ETV5: variants seen among roughly 807,000 people sequenced by gnomAD.
ETV5 encodes ETS translocation variant 5.
ETV5 carries 10 observed loss-of-function variants against 70.0 expected under a neutral mutation model. The ratio of observed to expected loss-of-function variants is 0.14; its 90% CI spans 0.09 to 0.24. ETV5 has a LOEUF of 0.24. ETV5 is among the 10% of genes least tolerant of loss of function. The pLI, the probability that ETV5 is intolerant of heterozygous loss-of-function variation, is 1.00. For missense variants in ETV5, 453 were observed against 651.2 expected (o/e 0.70, Z 3.31); for synonymous variants, 216 against 242.2 (o/e 0.89, Z 1.01).
At chr3:186,108,383 A>G (rs1302511351) in intron 1 of ETV5, 8 of 662,320 alleles carry the variant, frequency 1.2e-5, no homozygotes, top group Admixed American at 2.3e-5. Flanking sequence ...CTGGATGTCC[A>G]CTTTCCACCA....
intron 6 of ETV5, chr3:186,080,666 A>G: frequency 4.3e-6 from 1 of 230,966 alleles, no homozygotes; most frequent in South Asian, 1.8e-4. Flanking sequence ...AGACTTTTTC[A>G]TATATTCTGA....
intron 5 of ETV5, among the ~76,000 whole-genome samples, chr3:186,097,335 T>G (rs1714329308): frequency 2.0e-5 from 3 of 152,136 alleles, no homozygotes; most frequent in Non-Finnish European, 4.4e-5. Flanking sequence ...AACTACAACT[T>G]TGTCTCCCCC....
chr3:186,095,995 A>G (rs1714294773), intron 5 of ETV5, among the ~76,000 whole-genome samples: 1 of 152,212 alleles, frequency 6.6e-6, no homozygotes, highest in African/African-American at 2.4e-5. Flanking sequence ...CTGCTTCTGC[A>G]GACACTTGGA....
chr3:186,102,449 A>G lies in ETV5; in HGVS notation c.232+2856T>C, dbSNP rs553318297. 1.2e-4 allele frequency among the ~76,000 whole-genome samples: 18 copies of G among 152,170 alleles called. No individual in the cohort carries two copies. In the South Asian group the frequency reaches 3.5e-3, roughly 30 times the overall value. On this transcript the variant is annotated intron_variant, in intron 5 of 12. Coordinates refer to ENST00000306376, the MANE Select transcript of ETV5 (RefSeq NM_004454.3). ...GGAGTTCAAGACCAGCCTGGCAAACATGGTGAAGCCCCGTCTCTACTAAAA... is the reference window on the plus strand; with the variant it reads ...GGAGTTCAAGACCAGCCTGGCAAACGTGGTGAAGCCCCGTCTCTACTAAAA...
intron 1 of ETV5, among the ~76,000 whole-genome samples, chr3:186,106,494 C>G (rs1012509933): frequency 6.6e-6 from 1 of 152,166 alleles, no homozygotes; most frequent in South Asian, 2.1e-4. Flanking sequence ...TACTTATCTT[C>G]ACACACAACT....
At chr3:186,099,592 T>C (rs1203334273) in intron 5 of ETV5, among the ~76,000 whole-genome samples, 1 of 152,206 alleles carries the variant, frequency 6.6e-6, no homozygotes, top group Non-Finnish European at 1.5e-5. Flanking sequence ...GGGAACAGTT[T>C]CTCGGCAGAG....
rs773298835 is a variant in ETV5 at position 186,105,881 on chromosome 3, G to C, written c.-13C>G. 6.8e-6 allele frequency: 11 copies of C among 1,613,506 alleles called. No homozygotes were observed. In the African/African-American group the frequency reaches 1.3e-4, roughly 20 times the overall value. ...AAAACCCGTCCATGGTGCTTTCAGC[G>C]TCTCTAATACCACTTTGAGAGGTTT... On this transcript the variant is annotated 5_prime_UTR_variant, in exon 2 of 13. Transcript: ENST00000306376. This position sits in a 1 kb window ranked among gnomAD's most constrained non-coding sequence, Gnocchi z 4.5.
At chr3:186,100,566 A>C (rs982832826) in intron 5 of ETV5, among the ~76,000 whole-genome samples, 1 of 152,378 alleles carries the variant, frequency 6.6e-6, no homozygotes, top group South Asian at 2.1e-4. Context: ...AAGGGCTGTC[A>C]TAACAGTTAA....
At chr3:186,071,370 G>A (rs1240751870) in intron 7 of ETV5, among the ~76,000 whole-genome samples, 3 of 152,162 alleles carry the variant, frequency 2.0e-5, no homozygotes, top group East Asian at 1.9e-4. Flanking sequence ...ACGGAAAATC[G>A]AGAAGCAGCA....
intron 7 of ETV5, among the ~76,000 whole-genome samples, chr3:186,067,808 GGAAA>G (rs1190097688): frequency 6.6e-6 from 1 of 151,994 alleles, no homozygotes; most frequent in African/African-American, 2.4e-5. Flanking sequence ...CAAACCAGGG[GGAAA>G]GAATCTGCAG....
In ETV5 at chr3:186,048,535, G is replaced by A. The variant is rs564128315; in HGVS notation, c.*104C>T. 6.5e-4 allele frequency: 685 copies of A among 1,047,220 alleles called. 1 individual carries two copies. The highest frequency in any genetic ancestry group is 9.3e-4 in the Non-Finnish European group (642 of 692,550). 64.9% of individuals were successfully genotyped at this position (1,047,220 alleles called of 1,614,324 possible). A position where few individuals can be genotyped will look rare whatever the true frequency, so the allele number is the denominator to read the frequency against. On this transcript the variant is annotated 3_prime_UTR_variant, in exon 13 of 13. Transcript: ENST00000306376. ...TGGGTTCTCCAGATAATACTCAAAG[G>A]GCAAGCTTTAGGAACAACCAAAAAC...
In ETV5 at chr3:186,057,469, G is replaced by C; in HGVS notation, c.993C>G (p.Pro331=). 1 of 1,613,930 alleles carries C rather than the reference G, an allele frequency of 6.2e-7. No individual in the cohort carries two copies. Among genetic ancestry groups the C allele is most frequent in the Non-Finnish European group, 8.5e-7 (1 of 1,179,914 alleles). Reference sequence around the variant, plus strand: ...CACAAGTGTCGTCAAAGTATAATCGGGGATCTTTTTCATATGAAAAACCTG... The same window carrying C: ...CACAAGTGTCGTCAAAGTATAATCGCGGATCTTTTTCATATGAAAAACCTG... ...SHEGFSYEKD[P]RLYFDDTCVV... Residue 331 remains proline, a synonymous_variant, in exon 10 of 13, where the codon CCC becomes CCG. Transcript: ENST00000306376. This position sits in a 1 kb window ranked among gnomAD's most constrained non-coding sequence, Gnocchi z 4.9.
chr3:186,108,731 T>A, intron 1 of ETV5: 1 of 1,040,140 alleles, frequency 9.6e-7, no homozygotes, highest in Non-Finnish European at 1.2e-6. Flanking sequence ...CCGGAACCGT[T>A]AGCCGCACCC....
At chr3:186,053,705 A>T (rs747792202) in intron 11 of ETV5, among the ~76,000 whole-genome samples, 10 of 152,168 alleles carry the variant, frequency 6.6e-5, no homozygotes, top group African/African-American at 9.7e-5. Context: ...TCTTTTCTCC[A>T]TATGGTACCC....
In ETV5 at chr3:186,106,012, C is replaced by T. The variant is rs1474094653; in HGVS notation, c.-74-70G>A. 4.2e-6 allele frequency: 5 copies of T among 1,183,724 alleles called. No homozygotes were observed. In the African/African-American group the frequency reaches 6.2e-5, roughly 15 times the overall value. The allele number at this position is 1,183,724 out of a possible 1,614,324, so 73.3% of individuals were successfully genotyped here. ...AAGAAATGAAACAATTTTAGACTGC[C>T]TTTTTTTTAGGGCCTGTGCAAAATT... On this transcript the variant is annotated intron_variant, in intron 1 of 12. Coordinates refer to ENST00000306376, the MANE Select transcript of ETV5 (RefSeq NM_004454.3).
chr3:186,065,268 CA>C (rs1225592251), intron 8 of ETV5, among the ~76,000 whole-genome samples: 2 of 152,122 alleles, frequency 1.3e-5, no homozygotes, highest in Non-Finnish European at 2.9e-5. Context: ...CAGGACAGAT[CA>C]AAATGTCAGT....
At chr3:186,073,419 C>T (rs970077529) in intron 7 of ETV5, among the ~76,000 whole-genome samples, 8 of 152,092 alleles carry the variant, frequency 5.3e-5, no homozygotes, top group Non-Finnish European at 8.8e-5. Context: ...TATTTTCAGA[C>T]GAAGAAACGA....
At position 186,046,454 on chromosome 3, in the gene ETV5, T is replaced by C. The variant is rs1310895016; in HGVS notation, c.*2185A>G. The C allele has an allele frequency of 4.3e-6, 1 of 230,834 alleles. No homozygotes were observed. Among genetic ancestry groups the C allele is most frequent in the South Asian group, 1.8e-4 (1 of 5,492 alleles). The allele number at this position is 230,834 out of a possible 1,614,324, so 14.3% of individuals were successfully genotyped here. ...TCAAGCCTTTCTGCACTGTAGACTTTCCACACTCTGGAAAAGAAGCAAACA... is the reference window on the plus strand; with the variant it reads ...TCAAGCCTTTCTGCACTGTAGACTTCCCACACTCTGGAAAAGAAGCAAACA... On this transcript the variant is annotated 3_prime_UTR_variant, in exon 13 of 13. Transcript: ENST00000306376.
In ETV5 at chr3:186,097,353, A is replaced by G. The variant is rs1254629061; in HGVS notation, c.232+7952T>C. Among the ~76,000 whole-genome samples the G allele has an allele frequency of 2.0e-5, 3 of 152,146 alleles. 1 individual carries two copies. The highest frequency in any genetic ancestry group is 4.4e-5 in the Non-Finnish European group (3 of 68,022). On this transcript the variant is annotated intron_variant, in intron 5 of 12. Coordinates refer to ENST00000306376, the MANE Select transcript of ETV5 (RefSeq NM_004454.3). ...TACAACTTTGTCTCCCCCTGTGTTA[A>G]AATTGTAAGCCTAAGCAAGAAGTGT...
Sources: gnomAD v4.1 joint callset for allele counts (sites outside exome capture counted in the v4.1 genomes callset) on GRCh38, gnomAD v4.1.1 for gene constraint, Gnocchi (gnomAD v3.1) non-coding constraint, MANE v1.5 for transcripts, NCBI Gene and HGNC (gene_info 2026-07-23, HGNC 2026-07-21) for gene names.